Variants in XKR9 observed in about 807,000 individuals in gnomAD.
The protein encoded by XKR9 is XK-related protein 9.
A neutral mutation model predicts 32.0 loss-of-function variants in XKR9; 32 were observed. That is an observed-to-expected ratio of 1.00 (90% CI 0.76 to 1.34). The LOEUF (loss-of-function observed/expected upper bound fraction) is 1.34, where lower values mean the gene tolerates loss of function less well. XKR9 is among the 40% of genes most tolerant of loss of function. The pLI is 0.00. For missense variants in XKR9, 546 were observed against 429.7 expected (o/e 1.27, Z -2.39); for synonymous variants, 168 against 143.4 (o/e 1.17, Z -1.22).
chr8:71,023,064 T>C, the XKR9 span, among the ~76,000 whole-genome samples: 6 of 152,194 alleles, frequency 3.9e-5, no homozygotes, highest in Non-Finnish European at 7.3e-5. Context: ...TTTCTTAATA[T>C]CATTATTTTG....
intron 2 of XKR9, among the ~76,000 whole-genome samples, chr8:70,755,824 T>C (rs1335003968): frequency 6.6e-6 from 1 of 151,444 alleles, no homozygotes; most frequent in African/African-American, 2.4e-5. Context: ...GACGAGTTAA[T>C]GGGTGCAGCA....
intron 3 of XKR9, among the ~76,000 whole-genome samples, chr8:70,704,386 C>T (rs995482169): frequency 9.9e-5 from 15 of 152,194 alleles, no homozygotes; most frequent in African/African-American, 3.4e-4. Flanking sequence ...AAAATGTGTA[C>T]ATTTGTAGAC....
At chr8:70,710,147 A>G (rs1025742680) in intron 4 of XKR9, among the ~76,000 whole-genome samples, 1 of 152,114 alleles carries the variant, frequency 6.6e-6, no homozygotes, top group Non-Finnish European at 1.5e-5. Context: ...CATACCTACA[A>G]CCATCTGATC....
chr8:70,942,154 A>G, the XKR9 span, among the ~76,000 whole-genome samples: 3 of 152,138 alleles, frequency 2.0e-5, no homozygotes, highest in Non-Finnish European at 4.4e-5. Flanking sequence ...TCTAGTCTCC[A>G]TGAAAGTTAA....
chr8:70,693,619 A>C (rs748245390), intron 3 of XKR9, among the ~76,000 whole-genome samples: 1 of 152,112 alleles, frequency 6.6e-6, no homozygotes, highest in African/African-American at 2.4e-5. Flanking sequence ...GCCAAGGGTC[A>C]TTTGCTTGAC....
the XKR9 span, among the ~76,000 whole-genome samples, chr8:70,870,776 A>G: frequency 1.3e-5 from 2 of 152,210 alleles, no homozygotes; most frequent in Non-Finnish European, 2.9e-5. Context: ...GTCCTATGAA[A>G]AGATCAAAAT....
the XKR9 span, among the ~76,000 whole-genome samples, chr8:70,877,786 C>T: frequency 7.9e-5 from 12 of 152,128 alleles, no homozygotes; most frequent in African/African-American, 2.7e-4. Flanking sequence ...GGCAGGCCAA[C>T]ATTCAAATTC....
At chr8:71,048,650 C>T in the XKR9 span, among the ~76,000 whole-genome samples, 1 of 152,108 alleles carries the variant, frequency 6.6e-6, no homozygotes, top group Non-Finnish European at 1.5e-5. Context: ...GCCTGAAAGT[C>T]ACAATATCAC....
intron 2 of XKR9, among the ~76,000 whole-genome samples, chr8:70,743,144 G>A (rs1020850688): frequency 6.6e-6 from 1 of 151,936 alleles, no homozygotes; most frequent in African/African-American, 2.4e-5. Context: ...TCTTCAGGTT[G>A]ACATTTCCCG....
chr8:70,743,586 ATCTT>A (rs528026725), intron 2 of XKR9, among the ~76,000 whole-genome samples: 1 of 152,120 alleles, frequency 6.6e-6, no homozygotes, highest in African/African-American at 2.4e-5. Context: ...ACTCTAAACA[ATCTT>A]TATTTAACCT....
the XKR9 span, among the ~76,000 whole-genome samples, chr8:70,985,856 A>G: frequency 6.6e-6 from 1 of 152,160 alleles, no homozygotes; most frequent in Non-Finnish European, 1.5e-5. Flanking sequence ...AAAATAATGG[A>G]AGTAATCTAT....
the XKR9 span, among the ~76,000 whole-genome samples, chr8:71,050,948 T>G: frequency 2.0e-5 from 3 of 152,232 alleles, no homozygotes; most frequent in East Asian, 1.9e-4. Context: ...TTCTCAAGCA[T>G]TTAATTAAAT....
At chr8:70,752,277 G>A (rs1807153276) in intron 2 of XKR9, among the ~76,000 whole-genome samples, 2 of 152,160 alleles carry the variant, frequency 1.3e-5, no homozygotes, top group Non-Finnish European at 2.9e-5. Context: ...GTTTTAATCT[G>A]TTTTCTGTTG....
the XKR9 span, among the ~76,000 whole-genome samples, chr8:71,032,032 C>G: frequency 6.6e-6 from 1 of 152,244 alleles, no homozygotes; most frequent in South Asian, 2.1e-4. Context: ...CGGTGGCTTA[C>G]GCCTGTAATC....
At chr8:70,916,338 G>A in the XKR9 span, among the ~76,000 whole-genome samples, 1 of 152,050 alleles carries the variant, frequency 6.6e-6, no homozygotes, top group Non-Finnish European at 1.5e-5. Context: ...ACCTTTAGAG[G>A]GCAAGGGGTA....
intron 4 of XKR9, among the ~76,000 whole-genome samples, chr8:70,726,855 A>G (rs1214351477): frequency 1.3e-5 from 2 of 152,230 alleles, no homozygotes; most frequent in Non-Finnish European, 2.9e-5. Flanking sequence ...CAGAGAGTCC[A>G]TCTCCATCAT....
chr8:70,762,657 GA>G (rs1192798697), intron 2 of XKR9, among the ~76,000 whole-genome samples: 2 of 152,150 alleles, frequency 1.3e-5, no homozygotes, highest in East Asian at 3.9e-4. Context: ...GGTATTTTTT[GA>G]AAATAATAAT....
the XKR9 span, among the ~76,000 whole-genome samples, chr8:70,849,438 C>T: frequency 6.6e-6 from 1 of 152,142 alleles, no homozygotes; most frequent in Non-Finnish European, 1.5e-5. Context: ...ACACAATGTA[C>T]CAGAATCTGT....
chr8:70,875,003 A>G, the XKR9 span, among the ~76,000 whole-genome samples: 8 of 152,188 alleles, frequency 5.3e-5, no homozygotes, highest in African/African-American at 1.9e-4. Context: ...TACCCAAACC[A>G]TATGAACTGA....
Sources: gnomAD v4.1 joint callset for allele counts (sites outside exome capture counted in the v4.1 genomes callset) on GRCh38, gnomAD v4.1.1 for gene constraint, MANE v1.5 for transcripts, NCBI Gene and HGNC (gene_info 2026-07-23, HGNC 2026-07-21) for gene names.